Variants in TAF1B observed in about 807,000 individuals in gnomAD.
TAF1B encodes TATA box-binding protein-associated factor RNA polymerase I subunit B.
Under a neutral mutation model 83.9 loss-of-function variants are expected in TAF1B, and 61 were observed. The ratio of observed to expected loss-of-function variants is 0.73; its 90% CI spans 0.59 to 0.90. The LOEUF is 0.90. Among genes scored for constraint, TAF1B ranks in the 40% least tolerant of loss-of-function variants. TAF1B has a pLI of 0.00. For missense variants in TAF1B, 625 were observed against 677.0 expected (o/e 0.92, Z 0.85); for synonymous variants, 221 against 224.6 (o/e 0.98, Z 0.14).
At chr2:9,888,311 AT>A (rs34112216) in intron 8 of TAF1B, among the ~76,000 whole-genome samples, 209 of 149,836 alleles carry the variant, frequency 1.4e-3, no homozygotes, top group African/African-American at 4.8e-3. Flanking sequence ...ATGCATTGGG[AT>A]TTTTTTTTTC....
At chr2:9,929,917 G>A (rs1304517844) in intron 14 of TAF1B, among the ~76,000 whole-genome samples, 2 of 152,124 alleles carry the variant, frequency 1.3e-5, no homozygotes, top group Admixed American at 6.5e-5. Context: ...GTCTTGGAAA[G>A]GTGTACATGT....
intron 8 of TAF1B, among the ~76,000 whole-genome samples, chr2:9,885,706 T>C (rs1365367673): frequency 6.6e-6 from 1 of 152,140 alleles, no homozygotes; most frequent in African/African-American, 2.4e-5. Flanking sequence ...TTAATAACAA[T>C]GTCTTTCTTC....
intron 8 of TAF1B, among the ~76,000 whole-genome samples, chr2:9,903,007 G>A (rs1362256984): frequency 1.3e-5 from 2 of 152,102 alleles, no homozygotes; most frequent in Non-Finnish European, 2.9e-5. Context: ...TTATTTCTGA[G>A]ATTATCTTAT....
At chr2:9,922,885 A>G (rs1665920300) in intron 14 of TAF1B, among the ~76,000 whole-genome samples, 1 of 152,216 alleles carries the variant, frequency 6.6e-6, no homozygotes, top group South Asian at 2.1e-4. Context: ...GTCACATAGT[A>G]AGTACTCAAT....
chr2:9,926,721 C>CCCAGCTA (rs1266962513), intron 14 of TAF1B, among the ~76,000 whole-genome samples: 1 of 151,250 alleles, frequency 6.6e-6, no homozygotes, highest in African/African-American at 2.4e-5. Context: ...TGCCTGTAGT[C>CCCAGCTA]CCAGCTACTT....
chr2:9,920,298 C>T (rs903317974), intron 14 of TAF1B, among the ~76,000 whole-genome samples: 7 of 152,210 alleles, frequency 4.6e-5, no homozygotes, highest in South Asian at 2.1e-4. Flanking sequence ...TCATTAGACC[C>T]CCAGTGTCCT....
chr2:9,934,020 A>G lies in TAF1B; in HGVS notation c.*36A>G, dbSNP rs768941149. 4 of 1,457,086 alleles carry G rather than the reference A, an allele frequency of 2.7e-6. No homozygotes were observed. In the South Asian group the frequency reaches 3.9e-5, roughly 14 times the overall value. 90.3% of individuals were successfully genotyped at this position (1,457,086 alleles called of 1,614,324 possible). A position where few individuals can be genotyped will look rare whatever the true frequency, so the allele number is the denominator to read the frequency against. On this transcript the variant is annotated 3_prime_UTR_variant, in exon 15 of 15. Coordinates refer to ENST00000263663, the MANE Select transcript of TAF1B (RefSeq NM_005680.3). ...TAGAAACTTTCTGGAAAAATATTTT[A>G]ATAGTGATAATAACATCAGATTTTA...
intron 7 of TAF1B, among the ~76,000 whole-genome samples, chr2:9,881,579 CAT>C (rs1394096315): frequency 6.6e-6 from 1 of 152,146 alleles, no homozygotes; most frequent in Non-Finnish European, 1.5e-5. Flanking sequence ...CTCTACCTAA[CAT>C]ACTATAGATT....
intron 8 of TAF1B, among the ~76,000 whole-genome samples, chr2:9,903,237 C>T (rs1208823765): frequency 1.3e-5 from 2 of 152,142 alleles, no homozygotes; most frequent in South Asian, 2.1e-4. Context: ...AGGCGCCCGC[C>T]ACCATGCCCG....
At chr2:9,868,589 C>A in intron 6 of TAF1B, 160 bp downstream of exon 6, 1 of 1,096,926 alleles carries the variant, frequency 9.1e-7, no homozygotes, top group Non-Finnish European at 1.4e-6. Context: ...CTAAGACAAA[C>A]TAAGTGAAAT....
chr2:9,915,173 G>A (rs1410696485), intron 12 of TAF1B, among the ~76,000 whole-genome samples: 1 of 152,156 alleles, frequency 6.6e-6, no homozygotes, highest in Non-Finnish European at 1.5e-5. Context: ...GCCCTAATTG[G>A]TGTATAGTGA....
At chr2:9,870,577 C>T (rs777522050) in intron 6 of TAF1B, among the ~76,000 whole-genome samples, 20 of 152,282 alleles carry the variant, frequency 1.3e-4, no homozygotes, top group Middle Eastern at 3.4e-3. Context: ...TTCATATTTC[C>T]GTATCACGTG....
intron 14 of TAF1B, among the ~76,000 whole-genome samples, chr2:9,930,095 C>G (rs776990304): frequency 6.6e-6 from 1 of 151,962 alleles, no homozygotes; most frequent in Admixed American, 6.6e-5. Flanking sequence ...TGCTAGCGGT[C>G]TATCAATTTT....
intron 6 of TAF1B, among the ~76,000 whole-genome samples, chr2:9,875,414 A>C (rs939715406): frequency 1.3e-5 from 2 of 152,222 alleles, no homozygotes; most frequent in African/African-American, 4.8e-5. Context: ...TAATTGTATT[A>C]GTCCATTTTC....
intron 5 of TAF1B, among the ~76,000 whole-genome samples, chr2:9,857,305 A>G (rs1457088746): frequency 6.6e-6 from 1 of 151,170 alleles, no homozygotes; most frequent in African/African-American, 2.4e-5. Context: ...ATGAGAAGTG[A>G]TGGTGGCTGG....
rs191694989 is a variant in TAF1B at position 9,889,049 on chromosome 2, G to A, written c.807+6244G>A. 8.4e-3 allele frequency among the ~76,000 whole-genome samples: 1,268 copies of A among 151,630 alleles called. 10 individuals carry two copies. Among genetic ancestry groups the A allele is most frequent in the Non-Finnish European group, 0.014 (954 of 67,902 alleles). On this transcript the variant is annotated intron_variant, in intron 8 of 14. Coordinates refer to ENST00000263663, the MANE Select transcript of TAF1B (RefSeq NM_005680.3). ...ACTCCTGACCTCAGGTGATCCACCC[G>A]CCTCGGCCTCCCAGAGTGCTGGGAT...
intron 13 of TAF1B, 107 bp from the exon 14 acceptor site, chr2:9,919,491 G>C (rs1820966): frequency 0.61 from 613,565 of 1,008,154 alleles, 194,066 homozygotes; most frequent in Non-Finnish European, 0.67. Flanking sequence ...GTACATCTGC[G>C]AAAACTAAGG....
chr2:9,924,999 T>G (rs991862990), intron 14 of TAF1B, among the ~76,000 whole-genome samples: 1 of 152,158 alleles, frequency 6.6e-6, no homozygotes, highest in Non-Finnish European at 1.5e-5. Context: ...GTGGTGGCCG[T>G]CACCTCCCTG....
At chr2:9,895,944 A>G (rs965469800) in intron 8 of TAF1B, among the ~76,000 whole-genome samples, 1 of 151,898 alleles carries the variant, frequency 6.6e-6, no homozygotes, top group African/African-American at 2.4e-5. Context: ...CCTGTCTTAA[A>G]GTATTGCTTC....
Sources: allele counts gnomAD v4.1 joint callset (sites outside exome capture counted in the v4.1 genomes callset), GRCh38; gene constraint gnomAD v4.1.1; transcripts MANE v1.5; gene names NCBI Gene and HGNC (gene_info 2026-07-23, HGNC 2026-07-21).